Variants in UEVLD observed in about 807,000 individuals in gnomAD.
The protein encoded by UEVLD is ubiquitin-conjugating enzyme E2 variant 3.
In UEVLD, 47 loss-of-function variants were observed where a neutral mutation model predicts 58.6. The observed-to-expected ratio is 0.80, with a 90% CI of 0.63 to 1.02. The LOEUF is 1.02. Among genes scored for constraint, UEVLD ranks in the 50% least tolerant of loss-of-function variants. The probability of loss-of-function intolerance (pLI) is 0.00; values close to 1 mark genes in which losing one functional copy is unlikely to be tolerated. For synonymous variants in UEVLD, 197 were observed against 195.3 expected, an observed-to-expected ratio of 1.01 and a Z score of -0.07; for missense variants, 510 against 550.6, an observed-to-expected ratio of 0.93 and a Z score of 0.74.
At chr11:18,541,626 T>C (rs1285014314) in intron 9 of UEVLD, among the ~76,000 whole-genome samples, 2 of 152,210 alleles carry the variant, frequency 1.3e-5, no homozygotes, top group South Asian at 2.1e-4. Context: ...AGTAACATGA[T>C]GAGACAAGAT....
intron 7 of UEVLD, among the ~76,000 whole-genome samples, chr11:18,556,111 A>G (rs923191852): frequency 3.3e-5 from 5 of 152,214 alleles, no homozygotes; most frequent in Non-Finnish European, 2.9e-5. Flanking sequence ...TAGTCTTTCA[A>G]TTATCTGAAG....
At chr11:18,546,150 G>A (rs1293119437) in intron 8 of UEVLD, among the ~76,000 whole-genome samples, 1 of 152,100 alleles carries the variant, frequency 6.6e-6, no homozygotes, top group Non-Finnish European at 1.5e-5. Flanking sequence ...TTCTATTTTT[G>A]AGTACGACAG....
chr11:18,545,986 C>G (rs57569990), intron 8 of UEVLD, among the ~76,000 whole-genome samples: 4,445 of 152,110 alleles, frequency 0.029, 235 homozygotes, highest in African/African-American at 0.1. Context: ...TTCTTACATT[C>G]CAAAAGCATG....
intron 9 of UEVLD, among the ~76,000 whole-genome samples, chr11:18,538,636 T>G (rs557415623): frequency 2.3e-5 from 3 of 132,648 alleles, no homozygotes; most frequent in African/African-American, 8.1e-5. Context: ...TTCTTTACCA[T>G]GGTGTTGGGT....
At chr11:18,536,015 T>C (rs1056893408) in intron 10 of UEVLD, among the ~76,000 whole-genome samples, 18 of 152,138 alleles carry the variant, frequency 1.2e-4, no homozygotes, top group Non-Finnish European at 2.1e-4. Flanking sequence ...ATGCCTGTAA[T>C]TCCAGCTACT....
intron 6 of UEVLD, 61 bp downstream of exon 6, chr11:18,564,831 A>G: frequency 8.1e-7 from 1 of 1,242,214 alleles, no homozygotes; most frequent in Non-Finnish European, 1.1e-6. Flanking sequence ...TGTGTAAAAC[A>G]CAACCTGCCT....
At chr11:18,570,141 G>T in intron 4 of UEVLD, 73 bp downstream of exon 4, 1 of 1,398,226 alleles carries the variant, frequency 7.2e-7, no homozygotes, top group Non-Finnish European at 9.7e-7. Context: ...ATACTTATTT[G>T]TACCAGCAGA....
chr11:18,544,479 T>TTTA, intron 9 of UEVLD, 144 bp downstream of exon 9: 14 of 845,670 alleles, frequency 1.7e-5, no homozygotes, highest in Non-Finnish European at 2.5e-5. Context: ...GGCTAATTTT[T>TTTA]TATCTTTTTG....
At chr11:18,564,385 G>A (rs867260017) in intron 6 of UEVLD, among the ~76,000 whole-genome samples, 48 of 152,158 alleles carry the variant, frequency 3.2e-4, no homozygotes, top group African/African-American at 1.1e-3. Context: ...GAACCTCTCT[G>A]GAAGGGCATT....
chr11:18,565,192 T>A (rs1198318113), intron 5 of UEVLD, among the ~76,000 whole-genome samples, 182 bp from the exon 6 acceptor site: 4 of 152,326 alleles, frequency 2.6e-5, no homozygotes, highest in Non-Finnish European at 2.9e-5. Flanking sequence ...TATTAAATAG[T>A]CGACTAAATA....
At chr11:18,571,793 C>A (rs1177675488) in intron 3 of UEVLD, among the ~76,000 whole-genome samples, 1 of 152,044 alleles carries the variant, frequency 6.6e-6, no homozygotes. Context: ...AATGCAAGAC[C>A]CTGGTGTGGT....
rs1413243627 is a variant in UEVLD, at chr11:18,588,685, A to G, written c.-31T>C. ...GGCCGGTCCCGAGCTAGGTCCCAGG[A>G]CTCCAGCCCCCGGACCTTCTTCCGG... On this transcript the variant is annotated 5_prime_UTR_variant, in exon 1 of 12. Transcript: ENST00000396197. The G allele has an allele frequency of 2.5e-6, 4 of 1,603,670 alleles. No homozygotes were observed. Among genetic ancestry groups the G allele is most frequent in the Non-Finnish European group, 3.4e-6 (4 of 1,178,710 alleles).
chr11:18,572,882 C>A (rs1852701495), intron 3 of UEVLD, among the ~76,000 whole-genome samples: 2 of 151,844 alleles, frequency 1.3e-5, no homozygotes, highest in East Asian at 3.9e-4. Context: ...ATATGCCAGG[C>A]ACTATGCCCA....
chr11:18,544,106 T>C (rs1331699206), intron 9 of UEVLD, among the ~76,000 whole-genome samples: 5 of 152,220 alleles, frequency 3.3e-5, no homozygotes, highest in Non-Finnish European at 7.3e-5. Flanking sequence ...AAAATCCTAC[T>C]AAGCGGTCTT....
chr11:18,544,955 CTATA>C (rs1335868013), intron 8 of UEVLD, among the ~76,000 whole-genome samples, 159 bp from the exon 9 acceptor site: 1 of 147,554 alleles, frequency 6.8e-6, no homozygotes, highest in Non-Finnish European at 1.5e-5. Flanking sequence ...CATATATATA[CTATA>C]TATATACACA....
intron 3 of UEVLD, among the ~76,000 whole-genome samples, chr11:18,574,491 T>C (rs1852798994): frequency 6.6e-6 from 1 of 152,200 alleles, no homozygotes; most frequent in Non-Finnish European, 1.5e-5. Flanking sequence ...GATAAATATT[T>C]GGAAACAAAG....
At position 18,573,496 on chromosome 11, in the gene UEVLD, GA is replaced by G. The variant is rs1175971568; in HGVS notation, c.193+1850del. ...TGAGTAAAATTCTCTACACAGCCAG[GA>G]AACAGTCTAAAAGCTTGGCAGGGAA... On this transcript the variant is annotated intron_variant, in intron 3 of 11. Coordinates refer to ENST00000396197, the MANE Select transcript of UEVLD (RefSeq NM_001040697.4). 2.0e-5 allele frequency among the ~76,000 whole-genome samples: 3 copies of G among 152,196 alleles called. No individual in the cohort carries two copies. The South Asian group carries it at 6.2e-4, about 32-fold the overall frequency.
At chr11:18,578,449 T>C (rs1377714168) in intron 2 of UEVLD, among the ~76,000 whole-genome samples, 1 of 152,214 alleles carries the variant, frequency 6.6e-6, no homozygotes, top group Non-Finnish European at 1.5e-5. Context: ...GCTATAGAAA[T>C]TTGTGGTGGA....
chr11:18,572,268 C>T (rs1472553631), intron 3 of UEVLD, among the ~76,000 whole-genome samples: 1 of 152,044 alleles, frequency 6.6e-6, no homozygotes, highest in Non-Finnish European at 1.5e-5. Flanking sequence ...AGATTACATA[C>T]ATCTCTAAAA....
Sources: gnomAD v4.1 joint callset for allele counts (sites outside exome capture counted in the v4.1 genomes callset) on GRCh38, gnomAD v4.1.1 for gene constraint, MANE v1.5 for transcripts, NCBI Gene and HGNC (gene_info 2026-07-23, HGNC 2026-07-21) for gene names.